Variants in SLF2 observed in about 807,000 individuals in gnomAD.
SLF2 encodes SMC5/6 complex localization factor 2.
SLF2 carries 68 observed loss-of-function variants against 124.3 expected under a neutral mutation model. That is an observed-to-expected ratio of 0.55 (90% confidence interval 0.45 to 0.67). The LOEUF (loss-of-function observed/expected upper bound fraction) is 0.67. Among genes scored for constraint, SLF2 ranks in the 30% least tolerant of loss-of-function variants. SLF2 has a pLI of 0.00. For missense variants in SLF2, 1,246 were observed against 1,373.7 expected (o/e 0.91, Z 1.47); for synonymous variants, 480 against 478.8 (o/e 1.00, Z -0.03).
chr10:100,927,610 G>A (rs189462037), intron 6 of SLF2, among the ~76,000 whole-genome samples: 2 of 152,290 alleles, frequency 1.3e-5, no homozygotes, highest in Admixed American at 1.3e-4. Flanking sequence ...ATACACGTAA[G>A]TGGACTTACT....
At chr10:100,959,125 G>C (rs1313450910) in intron 18 of SLF2, among the ~76,000 whole-genome samples, 1 of 152,208 alleles carries the variant, frequency 6.6e-6, no homozygotes, top group Non-Finnish European at 1.5e-5. Context: ...AAGCCAGCGA[G>C]TTAAAGTTAA....
chr10:100,927,919 C>A (rs1021074432), intron 6 of SLF2, among the ~76,000 whole-genome samples: 13 of 151,754 alleles, frequency 8.6e-5, no homozygotes, highest in Non-Finnish European at 1.8e-4. Context: ...AGATTCTTTG[C>A]CTGTTTTTAA....
chr10:100,947,674 A>G (rs556850109), intron 14 of SLF2, 86 bp from the exon 15 acceptor site: 2 of 871,590 alleles, frequency 2.3e-6, no homozygotes, highest in Admixed American at 2.1e-5. Flanking sequence ...TCCAATTAGA[A>G]CTAGAGCTCC....
intron 17 of SLF2, among the ~76,000 whole-genome samples, chr10:100,955,195 C>T (rs2133828254): frequency 6.6e-6 from 1 of 151,852 alleles, no homozygotes; most frequent in East Asian, 1.9e-4. Flanking sequence ...CCGCCTCGGC[C>T]TCCCAAAGTG....
Position 100,952,540 on chromosome 10 carries a change from C to T in SLF2, c.3330+1787C>T, listed in dbSNP as rs919416342. Reference sequence around the variant, plus strand: ...CCAGCCTGGGCAACAGAGGGAGACTCCACCTCAAAAAAAAAAAAAAGAAAA... The same window carrying T: ...CCAGCCTGGGCAACAGAGGGAGACTTCACCTCAAAAAAAAAAAAAAGAAAA... On this transcript the variant is annotated intron_variant, in intron 17 of 19. Transcript: ENST00000238961. 7.5e-5 allele frequency among the ~76,000 whole-genome samples: 11 copies of T among 146,178 alleles called. 1 individual carries two copies. The highest frequency in any genetic ancestry group is 2.3e-4 in the African/African-American group (9 of 39,606).
intron 3 of SLF2, among the ~76,000 whole-genome samples, chr10:100,918,046 A>G (rs1377179738): frequency 3.3e-5 from 5 of 152,344 alleles, no homozygotes; most frequent in African/African-American, 1.2e-4. Context: ...TGATCACACC[A>G]TTGCACTCCA....
chr10:100,917,418 T>C (rs1407066459), intron 3 of SLF2, 118 bp downstream of exon 3: 1 of 1,153,736 alleles, frequency 8.7e-7, no homozygotes, highest in African/African-American at 1.6e-5. Flanking sequence ...AGGAAATACT[T>C]ATGCACAGTT....
Position 100,945,375 on chromosome 10 carries a change from C to A in SLF2, c.2803C>A (p.Arg935Ser), listed in dbSNP as rs367702979. Residue 935 changes from arginine (R) to serine (S), a missense_variant, in exon 13 of 20, where the codon CGT (arginine) becomes AGT (serine). By Grantham distance (110) the Arg-to-Ser change is moderately radical (BLOSUM62 -1). Around this residue, in one of 3 missense-constraint regions of SLF2, gnomAD observed 535 missense variants for 632.8 expected, o/e 0.85. Transcript: ENST00000238961. ...TATACATCCAGAAGGTTACCAGGAT[C>A]GTGAAATAATGTTGCTGATTTTAAT... is the stretch of plus-strand genomic sequence containing the variant. ...TSIHPEGYQD[R>S]EIMLLILMLF... The A allele has an allele frequency of 1.9e-6, 3 of 1,601,622 alleles. No homozygotes were observed. The highest frequency in any genetic ancestry group is 1.7e-6 in the Non-Finnish European group (2 of 1,177,084).
intron 4 of SLF2, among the ~76,000 whole-genome samples, chr10:100,919,802 C>A (rs776819343): frequency 3.3e-5 from 5 of 152,164 alleles, no homozygotes; most frequent in African/African-American, 1.2e-4. Flanking sequence ...GCTTCTAATT[C>A]GTTTGAACCT....
chr10:100,934,671 G>A (rs1849809865), intron 9 of SLF2, among the ~76,000 whole-genome samples: 1 of 151,796 alleles, frequency 6.6e-6, no homozygotes, highest in African/African-American at 2.4e-5. Context: ...GGAGTGCAGT[G>A]GCACGATCTC....
At chr10:100,935,202 T>C (rs932589903) in intron 9 of SLF2, among the ~76,000 whole-genome samples, 1 of 152,016 alleles carries the variant, frequency 6.6e-6, no homozygotes, top group Non-Finnish European at 1.5e-5. Context: ...GAGACCACCC[T>C]AGCCAACATA....
chr10:100,959,447 G>A lies in SLF2; in HGVS notation c.3437G>A (p.Arg1146Lys). The change falls in exon 19 of 20, where the codon AGG becomes AAG. Residue 1146 changes from arginine to lysine, a missense_variant. Physicochemically the swap from Arg to Lys is conservative, Grantham distance 26. Coordinates refer to ENST00000238961, the MANE Select transcript of SLF2 (RefSeq NM_018121.4). ...TTTAAGGTGAAAGACTTGGTCGCCA[G>A]GATACATGGAAAATGGCAGGAAATA... ...YRTKVKDLVA[R>K]IHGKWQEIIQ... 6.2e-7 allele frequency: 1 copy of A among 1,608,746 alleles called. No individual in the cohort carries two copies. Among genetic ancestry groups the A allele is most frequent in the South Asian group, 1.1e-5 (1 of 89,666 alleles).
rs767752517 is a variant in SLF2 at position 100,956,587 on chromosome 10, C to T, written c.3417+50C>T. On this transcript the variant is annotated intron_variant, in intron 18 of 19. Coordinates refer to ENST00000238961, the MANE Select transcript of SLF2 (RefSeq NM_018121.4). Reference sequence around the variant, plus strand: ...TTTTTTTTTTTCTTAATCTTGGTTACGTTAATATTTAAGGATAGAAGCATA... The same window carrying T: ...TTTTTTTTTTTCTTAATCTTGGTTATGTTAATATTTAAGGATAGAAGCATA... 3.9e-5 allele frequency: 53 copies of T among 1,369,168 alleles called. 1 individual carries two copies. The South Asian group carries it at 5.3e-4, about 14-fold the overall frequency. The allele number at this position is 1,369,168 out of a possible 1,614,324, so 84.8% of individuals were successfully genotyped here. A position where few individuals can be genotyped will look rare whatever the true frequency, so the allele number is the denominator to read the frequency against.
In SLF2 at chr10:100,930,726, A is replaced by G. The variant is rs79497238; in HGVS notation, c.2334-250A>G. The stretch of plus-strand genomic sequence containing the variant: ...CTGAGACTTGATAGGCTCTTTCTCA[A>G]CACTACCAGCAAATGTAGCTTTGTC... On this transcript the variant is annotated intron_variant, in intron 8 of 19. Coordinates refer to ENST00000238961, the MANE Select transcript of SLF2 (RefSeq NM_018121.4). Among the ~76,000 whole-genome samples the G allele has an allele frequency of 3.2e-4, 48 of 152,298 alleles. 1 individual carries two copies. The East Asian group carries it at 8.7e-3, about 28-fold the overall frequency.
intron 1 of SLF2, among the ~76,000 whole-genome samples, chr10:100,914,159 G>C (rs1849372620): frequency 6.6e-6 from 1 of 152,216 alleles, no homozygotes; most frequent in African/African-American, 2.4e-5. Context: ...TTTGATTACA[G>C]GTTGCAGCAC....
intron 11 of SLF2, among the ~76,000 whole-genome samples, chr10:100,940,795 GCCCCTC>G (rs1849959338): frequency 2.8e-5 from 2 of 71,892 alleles, no homozygotes; most frequent in Non-Finnish European, 5.3e-5. Flanking sequence ...TCCTGCCCCT[GCCCCTC>G]CCCCTGCCCC....
intron 3 of SLF2, 22 bp from the exon 4 acceptor site, chr10:100,918,362 T>G: frequency 6.5e-7 from 1 of 1,527,632 alleles, no homozygotes; most frequent in Non-Finnish European, 8.9e-7. Context: ...ACTTAATTAA[T>G]TTTATCTCAT....
chr10:100,940,841 T>TCCTTCCTTCCTTCCTTCCTTCCTTCCTG (rs1295900402), intron 11 of SLF2, among the ~76,000 whole-genome samples: 18 of 135,232 alleles, frequency 1.3e-4, no homozygotes, highest in African/African-American at 4.8e-4. Flanking sequence ...CTTCCTTCCT[T>TCCTTCCTTCCTTCCTTCCTTCCTTCCTG]CCTTCCTTCC....
At chr10:100,957,670 A>G (rs1047403985) in intron 18 of SLF2, among the ~76,000 whole-genome samples, 2 of 151,990 alleles carry the variant, frequency 1.3e-5, no homozygotes, top group African/African-American at 4.8e-5. Flanking sequence ...GGAGTCTTCA[A>G]ATCTTTGGGT....
Sources: gnomAD v4.1 joint callset for allele counts (sites outside exome capture counted in the v4.1 genomes callset) on GRCh38, gnomAD v4.1.1 for gene constraint, gnomAD v4.1.1 regional missense constraint, MANE v1.5 for transcripts, NCBI Gene and HGNC (gene_info 2026-07-23, HGNC 2026-07-21) for gene names.